PARD3B: variants seen among roughly 807,000 people sequenced by gnomAD.
PARD3B encodes the protein partitioning defective 3 homolog B.
PARD3B carries 103 observed loss-of-function variants against 130.2 expected under a neutral mutation model. The observed-to-expected ratio is 0.79, with a 90% CI of 0.67 to 0.93. The LOEUF (loss-of-function observed/expected upper bound fraction) is 0.93, where lower values mean the gene tolerates loss of function less well. Among genes scored for constraint, PARD3B ranks in the 40% least tolerant of loss-of-function variants. PARD3B has a pLI of 0.00. For synonymous variants in PARD3B, 583 were observed against 553.2 expected, an observed-to-expected ratio of 1.05 and a Z score of -0.76; for missense variants, 1,609 against 1,499.2, an observed-to-expected ratio of 1.07 and a Z score of -1.21.
intron 4 of PARD3B, among the ~76,000 whole-genome samples, chr2:205,060,106 C>T (rs1206794405): frequency 6.6e-6 from 1 of 151,982 alleles, no homozygotes; most frequent in Non-Finnish European, 1.5e-5. Flanking sequence ...TCATTCTACC[C>T]CTCAAATCAA....
chr2:204,574,454 A>G (rs1271036523), intron 1 of PARD3B, among the ~76,000 whole-genome samples: 2 of 152,188 alleles, frequency 1.3e-5, no homozygotes, highest in Admixed American at 6.5e-5. Flanking sequence ...TATTATGTAG[A>G]TACTTAACAT....
chr2:204,719,240 T>C (rs1045697697), intron 2 of PARD3B, among the ~76,000 whole-genome samples: 8 of 152,208 alleles, frequency 5.3e-5, no homozygotes, highest in African/African-American at 1.9e-4. Flanking sequence ...ATAATAGTCT[T>C]AATGGAATAA....
chr2:205,008,387 A>G (rs911669168), intron 3 of PARD3B, among the ~76,000 whole-genome samples: 1 of 151,424 alleles, frequency 6.6e-6, no homozygotes, highest in African/African-American at 2.4e-5. Flanking sequence ...TAACTATTTT[A>G]TTGAAGTGAT....
chr2:205,441,154 G>A (rs1056266495), intron 20 of PARD3B, among the ~76,000 whole-genome samples: 3 of 152,146 alleles, frequency 2.0e-5, no homozygotes, highest in African/African-American at 7.2e-5. Context: ...TGTACTCAAG[G>A]GAAAGGTGAC....
intron 2 of PARD3B, among the ~76,000 whole-genome samples, chr2:204,727,540 T>C (rs1031042173): frequency 6.6e-5 from 10 of 152,280 alleles, no homozygotes; most frequent in Middle Eastern, 3.4e-3. Context: ...AGGAAGACTT[T>C]TATTTCTCAT....
intron 2 of PARD3B, among the ~76,000 whole-genome samples, chr2:204,880,805 C>T (rs1412480277): frequency 6.6e-6 from 1 of 152,020 alleles, no homozygotes; most frequent in African/African-American, 2.4e-5. Context: ...ATTGCATAAC[C>T]CTATAGGGAG....
Position 204,574,358 on chromosome 2 carries a change from T to C in PARD3B, c.120+28239T>C, listed in dbSNP as rs144967454. 6.8e-3 allele frequency among the ~76,000 whole-genome samples: 1,034 copies of C among 152,356 alleles called. 11 individuals carry two copies. The highest frequency in any genetic ancestry group is 0.023 in the African/African-American group (940 of 41,580). The stretch of plus-strand genomic sequence containing the variant: ...CTCATACTTTATTCATAATAAATTT[T>C]GTTTGGATACATGTATTTTATATTT... On this transcript the variant is annotated intron_variant, in intron 1 of 22. Transcript: ENST00000406610.
intron 18 of PARD3B, among the ~76,000 whole-genome samples, chr2:205,394,801 A>G (rs2045969632): frequency 6.6e-6 from 1 of 152,214 alleles, no homozygotes; most frequent in African/African-American, 2.4e-5. Flanking sequence ...CCAAATTCAT[A>G]GAGAAGGAAA....
At chr2:205,447,837 T>C (rs979852307) in intron 20 of PARD3B, among the ~76,000 whole-genome samples, 2 of 152,186 alleles carry the variant, frequency 1.3e-5, no homozygotes, top group African/African-American at 4.8e-5. Flanking sequence ...TTCTTTTAGA[T>C]CACTCTAGTT....
At chr2:204,630,947 T>C (rs1574581559) in intron 1 of PARD3B, among the ~76,000 whole-genome samples, 1 of 152,144 alleles carries the variant, frequency 6.6e-6, no homozygotes, top group East Asian at 1.9e-4. Flanking sequence ...GTTTTTTATG[T>C]CTCTGTCTTC....
intron 3 of PARD3B, among the ~76,000 whole-genome samples, chr2:204,981,525 A>G (rs1245719825): frequency 2.0e-5 from 3 of 152,336 alleles, no homozygotes; most frequent in African/African-American, 4.8e-5. Context: ...ATATGTGGCT[A>G]TAAAAAAATT....
chr2:204,929,017 C>T (rs1687835356), intron 2 of PARD3B, among the ~76,000 whole-genome samples: 1 of 152,088 alleles, frequency 6.6e-6, no homozygotes, highest in Non-Finnish European at 1.5e-5. Flanking sequence ...TTTCCAATAT[C>T]TGCAAATGGT....
intron 18 of PARD3B, among the ~76,000 whole-genome samples, chr2:205,362,550 A>C (rs915778443): frequency 6.6e-6 from 1 of 152,184 alleles, no homozygotes; most frequent in East Asian, 1.9e-4. Flanking sequence ...TTATTTTTCT[A>C]TACCAACTGA....
intron 2 of PARD3B, among the ~76,000 whole-genome samples, chr2:204,709,607 T>C (rs960998894): frequency 1.3e-5 from 2 of 152,208 alleles, no homozygotes; most frequent in African/African-American, 4.8e-5. Context: ...TAGTACCTTG[T>C]GAAGCAGATG....
At chr2:204,708,122 T>C (rs756352133) in intron 2 of PARD3B, among the ~76,000 whole-genome samples, 1 of 152,164 alleles carries the variant, frequency 6.6e-6, no homozygotes, top group Non-Finnish European at 1.5e-5. Context: ...TCTGACTATG[T>C]ATAAATAAAA....
At chr2:205,594,567 C>G (rs2106608286) in intron 22 of PARD3B, among the ~76,000 whole-genome samples, 1 of 152,258 alleles carries the variant, frequency 6.6e-6, no homozygotes, top group East Asian at 1.9e-4. Context: ...GGAGCAGAGC[C>G]TAAAGAGGAC....
intron 8 of PARD3B, among the ~76,000 whole-genome samples, chr2:205,123,030 A>T (rs1237842754): frequency 6.6e-6 from 1 of 152,234 alleles, no homozygotes; most frequent in Non-Finnish European, 1.5e-5. Context: ...TCACCTTAAA[A>T]ATTTATTACA....
chr2:205,499,687 A>C (rs2050084861), intron 20 of PARD3B, among the ~76,000 whole-genome samples: 1 of 152,188 alleles, frequency 6.6e-6, no homozygotes, highest in Non-Finnish European at 1.5e-5. Flanking sequence ...ATCCCAAGTC[A>C]GACATTTGAC....
Position 204,761,067 on chromosome 2 carries a change from CAA to C in PARD3B, c.222+74786_222+74787del, listed in dbSNP as rs1191235868. On this transcript the variant is annotated intron_variant, in intron 2 of 22. Coordinates refer to ENST00000406610, the MANE Select transcript of PARD3B (RefSeq NM_001302769.2). ...GGGTTATTATTGCATTTATGGCTGA[CAA>C]GAGTAAAACTCCAACAGATTAAGTA... 3.3e-5 allele frequency among the ~76,000 whole-genome samples: 5 copies of C among 152,066 alleles called. No homozygotes were observed. In the East Asian group the frequency reaches 7.7e-4, roughly 23 times the overall value.
Sources: allele counts gnomAD v4.1 joint callset (sites outside exome capture counted in the v4.1 genomes callset), GRCh38; gene constraint gnomAD v4.1.1; transcripts MANE v1.5; gene names NCBI Gene and HGNC (gene_info 2026-07-23, HGNC 2026-07-21).